Variants in LRRC8D observed in about 807,000 individuals in gnomAD.
LRRC8D encodes the protein leucine rich repeat containing 8 VRAC subunit D.
LRRC8D carries 20 observed loss-of-function variants against 55.8 expected under a neutral mutation model. The observed-to-expected ratio is 0.36, with a 90% CI of 0.25 to 0.52. LRRC8D has a LOEUF of 0.52. Among genes scored for constraint, LRRC8D ranks in the 20% least tolerant of loss-of-function variants. The probability of loss-of-function intolerance (pLI) is 0.93; values close to 1 mark genes in which losing one functional copy is unlikely to be tolerated. For missense variants in LRRC8D, 651 were observed against 1,030.8 expected (o/e 0.63, Z 5.05); for synonymous variants, 352 against 377.0 (o/e 0.93, Z 0.77).
At chr1:89,877,233 T>TC (rs1228376695) in intron 2 of LRRC8D, among the ~76,000 whole-genome samples, 5 of 108,230 alleles carry the variant, frequency 4.6e-5, no homozygotes, top group African/African-American at 1.4e-4. Context: ...TCTCTCTCTC[T>TC]TTTTTTTTTT....
chr1:89,827,074 G>T (rs1351522779), intron 1 of LRRC8D, among the ~76,000 whole-genome samples: 1 of 152,120 alleles, frequency 6.6e-6, no homozygotes, highest in African/African-American at 2.4e-5. Flanking sequence ...TTTGGGGCTG[G>T]GCATGGTGGC....
intron 2 of LRRC8D, among the ~76,000 whole-genome samples, chr1:89,919,630 A>G (rs188382342): frequency 1.7e-3 from 264 of 152,306 alleles, no homozygotes; most frequent in Non-Finnish European, 2.6e-3. Context: ...CATAAACTGG[A>G]TGAAGTTAGG....
Position 89,917,748 on chromosome 1 carries a change from T to G in LRRC8D, c.-2-15319T>G, listed in dbSNP as rs1663311259. Reference sequence around the variant, plus strand: ...CCTGGGATCTGAAATTTTTGTAATTTGAGGGGCTGTCTTTAAGAAAAATAA... The same window carrying G: ...CCTGGGATCTGAAATTTTTGTAATTGGAGGGGCTGTCTTTAAGAAAAATAA... On this transcript the variant is annotated intron_variant, in intron 2 of 2. Transcript: ENST00000337338. 2.0e-5 allele frequency among the ~76,000 whole-genome samples: 3 copies of G among 152,160 alleles called. No homozygotes were observed. In the South Asian group the frequency reaches 6.2e-4, roughly 32 times the overall value.
chr1:89,849,276 A>G (rs1419843013), intron 2 of LRRC8D, among the ~76,000 whole-genome samples: 2 of 152,212 alleles, frequency 1.3e-5, no homozygotes, highest in African/African-American at 2.4e-5. Flanking sequence ...ATTTTTATGA[A>G]TATTTTTGGC....
At chr1:89,909,642 G>A (rs1229360956) in intron 2 of LRRC8D, among the ~76,000 whole-genome samples, 1 of 151,950 alleles carries the variant, frequency 6.6e-6, no homozygotes, top group African/African-American at 2.4e-5. Flanking sequence ...CGAGGCGGGC[G>A]GATCATGAGG....
At chr1:89,828,594 G>A (rs1398351997) in intron 1 of LRRC8D, among the ~76,000 whole-genome samples, 1 of 152,062 alleles carries the variant, frequency 6.6e-6, no homozygotes, top group Non-Finnish European at 1.5e-5. Context: ...GCAATTTTGT[G>A]ATAGTCTTTC....
At chr1:89,902,825 A>C (rs1662897879) in intron 2 of LRRC8D, among the ~76,000 whole-genome samples, 1 of 152,208 alleles carries the variant, frequency 6.6e-6, no homozygotes, top group Non-Finnish European at 1.5e-5. Flanking sequence ...TGCCCAGCCA[A>C]TAAAAGGATG....
rs74670220 is a variant in LRRC8D, at chr1:89,825,681, C to T, written c.-148+4390C>T. ...TTCTCAGAGCTTGGCTTTAACTTGC[C>T]GTTGATGTAAGTTCATACTTAACTT... On this transcript the variant is annotated intron_variant, in intron 1 of 2. Transcript: ENST00000337338. 6.5e-3 allele frequency among the ~76,000 whole-genome samples: 997 copies of T among 152,246 alleles called. 10 individuals carry two copies. The highest frequency in any genetic ancestry group is 0.023 in the African/African-American group (937 of 41,532).
intron 2 of LRRC8D, among the ~76,000 whole-genome samples, chr1:89,901,927 A>G (rs1662865691): frequency 6.6e-6 from 1 of 152,210 alleles, no homozygotes; most frequent in Non-Finnish European, 1.5e-5. Flanking sequence ...CCGAAGCCTC[A>G]CAGAGGTAGG....
chr1:89,871,061 TG>T (rs1454722197), intron 2 of LRRC8D, among the ~76,000 whole-genome samples: 2 of 152,174 alleles, frequency 1.3e-5, no homozygotes, highest in Non-Finnish European at 2.9e-5. Context: ...TTACTTCCTG[TG>T]GTGGTGTTTC....
chr1:89,908,249 T>G (rs534681497), intron 2 of LRRC8D, among the ~76,000 whole-genome samples: 2 of 152,356 alleles, frequency 1.3e-5, no homozygotes, highest in Non-Finnish European at 2.9e-5. Flanking sequence ...TCTGTTGTTA[T>G]TTCTGTGTAA....
intron 1 of LRRC8D, among the ~76,000 whole-genome samples, chr1:89,822,429 GC>G (rs1371908631): frequency 6.6e-6 from 1 of 152,226 alleles, no homozygotes; most frequent in Non-Finnish European, 1.5e-5. Flanking sequence ...CAGATTTCCT[GC>G]TCTTGGATCT....
chr1:89,861,451 C>A (rs1661718902), intron 2 of LRRC8D, among the ~76,000 whole-genome samples: 1 of 152,080 alleles, frequency 6.6e-6, no homozygotes, highest in Admixed American at 6.6e-5. Flanking sequence ...CTCTCCAGTT[C>A]ATTCATTGTA....
chr1:89,934,132 CCCA>C lies in LRRC8D; in HGVS notation c.1066_1068del (p.His356del), dbSNP rs1210861626. 6.2e-7 allele frequency: 1 copy of C among 1,614,056 alleles called. No individual in the cohort carries two copies. The highest frequency in any genetic ancestry group is 8.5e-7 in the Non-Finnish European group (1 of 1,180,040). ...ATTGGTTATGAGGTATTTGAGTGCA[CCCA>C]CAATATGGCTTACATGTTGAAAAAG... On this transcript the variant is annotated inframe_deletion, in exon 3 of 3. Coordinates refer to ENST00000337338, the MANE Select transcript of LRRC8D (RefSeq NM_001134479.2). This position sits in a 1 kb window ranked among gnomAD's most constrained non-coding sequence, Gnocchi z 5.9.
At chr1:89,863,804 G>A (rs890269662) in intron 2 of LRRC8D, among the ~76,000 whole-genome samples, 12 of 152,212 alleles carry the variant, frequency 7.9e-5, no homozygotes, top group South Asian at 2.1e-4. Context: ...GCTTTGTTCC[G>A]GTTTTTAAGT....
chr1:89,892,602 T>C (rs989589634), intron 2 of LRRC8D, among the ~76,000 whole-genome samples: 2 of 152,106 alleles, frequency 1.3e-5, no homozygotes, highest in African/African-American at 4.8e-5. Context: ...CACTGCAAGC[T>C]CCGCCTCCTG....
At chr1:89,852,474 G>A (rs10922735) in intron 2 of LRRC8D, among the ~76,000 whole-genome samples, 10,922 of 151,998 alleles carry the variant, frequency 0.072, 550 homozygotes, top group South Asian at 0.21. Flanking sequence ...CCGCCCCTCC[G>A]TCATCCCCAC....
chr1:89,840,243 A>AC (rs57863226), intron 1 of LRRC8D, among the ~76,000 whole-genome samples: 1 of 151,972 alleles, frequency 6.6e-6, no homozygotes, highest in East Asian at 1.9e-4. Flanking sequence ...ACACACACAC[A>AC]AAAGCATAAC....
chr1:89,855,629 G>A (rs1213630612), intron 2 of LRRC8D, among the ~76,000 whole-genome samples: 1 of 152,130 alleles, frequency 6.6e-6, no homozygotes, highest in Non-Finnish European at 1.5e-5. Context: ...TTTTAAAAAT[G>A]CACCCTTTTA....
Sources: gnomAD v4.1 joint callset for allele counts (sites outside exome capture counted in the v4.1 genomes callset) on GRCh38, gnomAD v4.1.1 for gene constraint, Gnocchi (gnomAD v3.1) non-coding constraint, MANE v1.5 for transcripts, NCBI Gene and HGNC (gene_info 2026-07-23, HGNC 2026-07-21) for gene names.